Variants in PAH observed in about 807,000 individuals in gnomAD.
PAH encodes the protein phenylalanine-4-hydroxylase.
PAH carries 64 observed loss-of-function variants against 62.0 expected under a neutral mutation model. That is an observed-to-expected ratio of 1.03 (90% CI 0.84 to 1.27). PAH has a LOEUF of 1.27. Among genes scored for constraint, PAH ranks in the 50% most tolerant of loss-of-function variants. The pLI is 0.00. For missense variants in PAH, 579 were observed against 542.8 expected (o/e 1.07, Z -0.66); for synonymous variants, 195 against 196.2 (o/e 0.99, Z 0.05).
At position 102,855,177 on chromosome 12, in the gene PAH, T is replaced by A. The variant is rs62507319; in HGVS notation, c.665A>T (p.Asp222Val). The A allele has an allele frequency of 6.2e-7, 1 of 1,614,110 alleles. No homozygotes were observed. The highest frequency in any genetic ancestry group is 8.5e-7 in the Non-Finnish European group (1 of 1,179,926). Residue 222 changes from aspartate to valine, a missense_variant, in exon 6 of 13, where the codon GAT (aspartate) becomes GTT (valine). By Grantham distance (152) the Asp-to-Val change is radical. Transcript: ENST00000553106. ...LLEKYCGFHE[D>V]NIPQLEDVSQ... Reference sequence around the variant, plus strand: ...AACGTCTTCCAGCTGGGGAATGTTATCTTCATGGAAGCCACAGTACTTTTC... The same window carrying A: ...AACGTCTTCCAGCTGGGGAATGTTAACTTCATGGAAGCCACAGTACTTTTC...
In PAH at chr12:102,957,926, CAAG is replaced by C. The variant is rs1185708723; in HGVS notation, c.-96+266_-96+268del. 1.5e-5 allele frequency: 4 copies of C among 261,318 alleles called. No homozygotes were observed. Among genetic ancestry groups the C allele is most frequent in the Non-Finnish European group, 2.9e-5 (4 of 139,668 alleles). The allele number at this position is 261,318 out of a possible 1,614,324, so 16.2% of individuals were successfully genotyped here. On this transcript the variant is annotated intron_variant, in intron 1 of 4. Coordinates refer to the PAH transcript ENST00000551337. This position sits in a 1 kb window ranked among gnomAD's most constrained non-coding sequence, Gnocchi z 4.1. ...CTTCTGCTTTTTTTTTTCTTAGAAACAAGAAGGCGCCAGCGGCAGCCTCACACG... is the reference window on the plus strand; with the variant it reads ...CTTCTGCTTTTTTTTTTCTTAGAAACAAGGCGCCAGCGGCAGCCTCACACG...
chr12:102,852,250 G>A (rs1875183814), intron 7 of PAH: 3 of 205,956 alleles, frequency 1.5e-5, no homozygotes, highest in Middle Eastern at 2.0e-3. Context: ...AACACTGTAT[G>A]TGCTATGTCC....
At chr12:102,910,535 T>C (rs1394125067) in intron 2 of PAH, among the ~76,000 whole-genome samples, 3 of 152,084 alleles carry the variant, frequency 2.0e-5, no homozygotes, top group Admixed American at 6.5e-5. Context: ...CACGCCGGGC[T>C]AATTTTTTGT....
rs79931499 is a variant in PAH, at chr12:102,840,477, C to A, written c.1238G>T (p.Arg413Leu). The change falls in exon 12 of 13, where the codon CGC becomes CTC. Residue 413 changes from arginine to leucine, a missense_variant. By Grantham distance (102) the Arg-to-Leu change is moderately radical. Coordinates refer to ENST00000553106, the MANE Select transcript of PAH (RefSeq NM_000277.3). The stretch of plus-strand genomic sequence containing the variant: ...AATCCTTTGGGTGTATGGGTCGTAG[C>A]GAACTGAGAAGGGCCGAGGTATTGT... The part of the protein sequence containing the change: ...AATIPRPFSV[R>L]YDPYTQRIEV... The A allele has an allele frequency of 6.2e-7, 1 of 1,613,846 alleles. No homozygotes were observed. Among genetic ancestry groups the A allele is most frequent in the Non-Finnish European group, 8.5e-7 (1 of 1,179,862 alleles).
At chr12:102,895,868 A>T (rs532416854) in intron 2 of PAH, among the ~76,000 whole-genome samples, 3 of 136,192 alleles carry the variant, frequency 2.2e-5, no homozygotes, top group East Asian at 2.0e-4. Flanking sequence ...AAAAAAAAAA[A>T]AATATATATA....
Position 102,861,929 on chromosome 12 carries a change from C to CTG in PAH, c.509+4665_509+4666dup, listed in dbSNP as rs1397149300. Among the ~76,000 whole-genome samples, 3 of 146,672 alleles carry CTG rather than the reference C, an allele frequency of 2.0e-5. No homozygotes were observed. In the East Asian group the frequency reaches 5.9e-4, roughly 29 times the overall value. On this transcript the variant is annotated intron_variant, in intron 5 of 12. Transcript: ENST00000553106. ...GCACATGTATACATATGTAACAAAC[C>CTG]TGCACGTTGTGCACATGTACCCTAG...
At chr12:102,894,409 A>C (rs191478057) in intron 3 of PAH, among the ~76,000 whole-genome samples, 212 of 141,802 alleles carry the variant, frequency 1.5e-3, no homozygotes, top group African/African-American at 4.9e-3. Flanking sequence ...AAAATAAATA[A>C]AAATTAAAAG....
At chr12:102,921,231 G>A (rs1476549242), upstream of PAH, among the ~76,000 whole-genome samples, 2 of 152,184 alleles carry the variant, frequency 1.3e-5, no homozygotes, top group Non-Finnish European at 2.9e-5. Flanking sequence ...ATAAGCTGGT[G>A]TCTTGTTGTT....
At chr12:102,848,062 C>A (rs958877765) in intron 8 of PAH, among the ~76,000 whole-genome samples, 2 of 152,166 alleles carry the variant, frequency 1.3e-5, no homozygotes. Flanking sequence ...GAAACAGGAG[C>A]CATTGCAGGG....
At chr12:102,856,716 C>A (rs1177986652) in intron 5 of PAH, among the ~76,000 whole-genome samples, 2 of 152,334 alleles carry the variant, frequency 1.3e-5, no homozygotes, top group African/African-American at 2.4e-5. Flanking sequence ...GACACCCAGG[C>A]AAACAGGGTC....
intron 1 of PAH, among the ~76,000 whole-genome samples, chr12:102,938,641 G>T (rs73395413): frequency 0.032 from 4,807 of 152,142 alleles, 263 homozygotes; most frequent in African/African-American, 0.11. Context: ...CATTTCTCTG[G>T]GACAGAACTC....
rs190837881 is a variant in PAH at position 102,857,645 on chromosome 12, C to G, written c.510-2313G>C. The stretch of plus-strand genomic sequence containing the variant: ...GATCTCTCGGCAGAAACTCTACCAG[C>G]CAGAAGAGAGTGGGGGCCAATATTC... On this transcript the variant is annotated intron_variant, in intron 5 of 12. Coordinates refer to ENST00000553106, the MANE Select transcript of PAH (RefSeq NM_000277.3). 9.9e-4 allele frequency among the ~76,000 whole-genome samples: 150 copies of G among 152,258 alleles called. 1 individual carries two copies. Among genetic ancestry groups the G allele is most frequent in the African/African-American group, 3.3e-3 (137 of 41,548 alleles).
At chr12:102,851,466 C>A (rs147844400) in intron 8 of PAH, among the ~76,000 whole-genome samples, 20 of 152,220 alleles carry the variant, frequency 1.3e-4, no homozygotes, top group Admixed American at 9.8e-4. Flanking sequence ...CTGAAGAACA[C>A]ACATATGATT....
At chr12:102,895,869 A>AATATATATATATATATATATATAT (rs1555208128) in intron 2 of PAH, among the ~76,000 whole-genome samples, 1 of 118,708 alleles carries the variant, frequency 8.4e-6, no homozygotes, top group African/African-American at 3.6e-5. Flanking sequence ...AAAAAAAAAA[A>AATATATATATATATATATATATAT]ATATATATAT....
rs1410575127 is a variant in PAH, at chr12:102,839,232, C to T, written c.1316-14G>A. The T allele has an allele frequency of 1.9e-6, 3 of 1,613,378 alleles. No individual in the cohort carries two copies. The highest frequency in any genetic ancestry group is 1.7e-5 in the Admixed American group (1 of 59,966). On this transcript the variant is annotated splice_polypyrimidine_tract_variant and intron_variant, in intron 12 of 12. Coordinates refer to ENST00000553106, the MANE Select transcript of PAH (RefSeq NM_000277.3). ...TTCCAATTTCACCTACAAAGAAAAA[C>T]ACCATCAAAATGGGCCACTTGTATA...
intron 1 of PAH, among the ~76,000 whole-genome samples, chr12:102,915,703 C>T (rs1034924018): frequency 6.6e-6 from 1 of 152,160 alleles, no homozygotes. Flanking sequence ...TAATGCAGTT[C>T]CCTGGGCTTT....
Position 102,861,304 on chromosome 12 carries a change from T to C in PAH, c.509+5292A>G, listed in dbSNP as rs527241136. On this transcript the variant is annotated intron_variant, in intron 5 of 12. Transcript: ENST00000553106. ...AGATACCATCTCACACCAGTTAGAATGGCGATCATTAAAAAGTCAGGAAAC... is the reference window on the plus strand; with the variant it reads ...AGATACCATCTCACACCAGTTAGAACGGCGATCATTAAAAAGTCAGGAAAC... Among the ~76,000 whole-genome samples the C allele has an allele frequency of 3.3e-5, 5 of 152,280 alleles. No homozygotes were observed. The East Asian group carries it at 5.8e-4, about 18-fold the overall frequency.
Position 102,839,115 on chromosome 12 carries a change from G to T in PAH, c.*60C>A. On this transcript the variant is annotated 3_prime_UTR_variant, in exon 13 of 13. Transcript: ENST00000553106. ...GCTTTTCGGACTTTTTCTGATGAAA[G>T]AAATAGTTGGATCTCCATCAACAGA... 6.6e-7 allele frequency: 1 copy of T among 1,506,522 alleles called. No homozygotes were observed. The highest frequency in any genetic ancestry group is 9.2e-7 in the Non-Finnish European group (1 of 1,082,794). The allele number at this position is 1,506,522 out of a possible 1,614,324, so 93.3% of individuals were successfully genotyped here.
intron 4 of PAH, among the ~76,000 whole-genome samples, chr12:102,871,344 T>A (rs1308788272): frequency 6.6e-6 from 1 of 152,194 alleles, no homozygotes; most frequent in Non-Finnish European, 1.5e-5. Flanking sequence ...TTTAATTCCT[T>A]AAACACACCA....
Sources: gnomAD v4.1 joint callset for allele counts (sites outside exome capture counted in the v4.1 genomes callset) on GRCh38, gnomAD v4.1.1 for gene constraint, Gnocchi (gnomAD v3.1) non-coding constraint, MANE v1.5 for transcripts, NCBI Gene and HGNC (gene_info 2026-07-23, HGNC 2026-07-21) for gene names.